The following USP20 variants were observed in gnomAD, a reference collection of about 807,000 sequenced individuals.
USP20 encodes the protein ubiquitin specific peptidase 20.
Under a neutral mutation model 124.2 loss-of-function variants are expected in USP20, and 80 were observed. That is an observed-to-expected ratio of 0.64 (90% CI 0.54 to 0.78). The LOEUF (loss-of-function observed/expected upper bound fraction) is 0.78, where lower values mean the gene tolerates loss of function less well. Among genes scored for constraint, USP20 ranks in the 30% least tolerant of loss-of-function variants. The pLI is 0.00. For missense variants in USP20, 1,043 were observed against 1,244.4 expected (o/e 0.84, Z 2.44); for synonymous variants, 481 against 512.3 (o/e 0.94, Z 0.83).
At chr9:129,873,591 G>C (rs1361589945) in intron 16 of USP20, 76 bp downstream of exon 16, 1 of 1,613,464 alleles carries the variant, frequency 6.2e-7, no homozygotes, top group Non-Finnish European at 8.5e-7. Flanking sequence ...TTCCTGCAGA[G>C]AGCCCCCTAT....
At position 129,880,636 on chromosome 9, in the gene USP20, G is replaced by A. The variant is rs1038048244; in HGVS notation, c.*186G>A. 4 of 205,772 alleles carry A rather than the reference G, an allele frequency of 1.9e-5. No homozygotes were observed. Among genetic ancestry groups the A allele is most frequent in the Non-Finnish European group, 3.0e-5 (3 of 99,002 alleles). The allele number at this position is 205,772 out of a possible 1,614,324, so 12.7% of individuals were successfully genotyped here. ...GTTGAAACGACCAAGACTCTGTGAC[G>A]TTAATTTGGGTCTTTGTCCTGGCAG... On this transcript the variant is annotated 3_prime_UTR_variant, in exon 26 of 26. Transcript: ENST00000372429.
rs1024261524 is a variant in USP20 at position 129,868,847 on chromosome 9, C to T, written c.1136-15C>T. On this transcript the variant is annotated splice_polypyrimidine_tract_variant and intron_variant, in intron 11 of 25. Coordinates refer to ENST00000372429, the MANE Select transcript of USP20 (RefSeq NM_001110303.4). ...TGGCTGCCCTGGCCCAGCATGGTAC[C>T]CTCTCTGCCCCCAGAGCCGGACAAT... The T allele has an allele frequency of 1.3e-6, 2 of 1,539,716 alleles. No individual in the cohort carries two copies. Among genetic ancestry groups the T allele is most frequent in the South Asian group, 1.2e-5 (1 of 81,304 alleles).
At chr9:129,859,902 C>T (rs1162548750) in intron 6 of USP20, among the ~76,000 whole-genome samples, 1 of 152,070 alleles carries the variant, frequency 6.6e-6, no homozygotes, top group Non-Finnish European at 1.5e-5. Context: ...CATGGTGGCG[C>T]ATGCTTGTAA....
chr9:129,860,355 T>TA (rs1351665061), intron 6 of USP20, among the ~76,000 whole-genome samples: 2 of 150,548 alleles, frequency 1.3e-5, no homozygotes, highest in Admixed American at 1.3e-4. Context: ...AACGTCTACA[T>TA]AAGATACATA....
chr9:129,851,821 T>A (rs544491097), intron 2 of USP20, among the ~76,000 whole-genome samples: 1 of 149,544 alleles, frequency 6.7e-6, no homozygotes, highest in African/African-American at 2.5e-5. Flanking sequence ...TTTTTTTCCA[T>A]CTCTTGAAAC....
rs1162693740 is a variant in USP20 at position 129,842,615 on chromosome 9, A to C, written c.-129+7116A>C. ...TGGAAGTTTTTTTTTTTTTTTTTAG[A>C]CGGAGTCTTACTCTGTTGCCCAGGC... On this transcript the variant is annotated intron_variant, in intron 1 of 25. Coordinates refer to ENST00000372429, the MANE Select transcript of USP20 (RefSeq NM_001110303.4). Among the ~76,000 whole-genome samples, 5 of 147,114 alleles carry C rather than the reference A, an allele frequency of 3.4e-5. No homozygotes were observed. The East Asian group carries it at 9.9e-4, about 29-fold the overall frequency.
At chr9:129,865,237 T>A in intron 9 of USP20, 66 bp from the exon 10 acceptor site, 4 of 1,564,516 alleles carry the variant, frequency 2.6e-6, no homozygotes, top group Non-Finnish European at 3.5e-6. Context: ...GCTGGCTGCC[T>A]GCTTCTCTCG....
At chr9:129,852,332 G>A (rs2032966633) in intron 2 of USP20, among the ~76,000 whole-genome samples, 5 of 152,174 alleles carry the variant, frequency 3.3e-5, no homozygotes, top group Admixed American at 6.5e-5. Context: ...CATTGTCTCC[G>A]TGACCTAGGA....
chr9:129,837,137 G>A (rs2031904110), intron 1 of USP20, among the ~76,000 whole-genome samples: 1 of 152,206 alleles, frequency 6.6e-6, no homozygotes, highest in Non-Finnish European at 1.5e-5. Flanking sequence ...CAAAAGGAAT[G>A]CTGAAAAAGT....
intron 21 of USP20, 86 bp downstream of exon 21, chr9:129,875,727 A>C: frequency 7.4e-7 from 1 of 1,357,002 alleles, no homozygotes; most frequent in Non-Finnish European, 1.0e-6. Context: ...AAGGAATGCC[A>C]CCAGGACCCC....
At chr9:129,865,196 G>A (rs1230931494) in intron 9 of USP20, 107 bp from the exon 10 acceptor site, 2 of 1,217,042 alleles carry the variant, frequency 1.6e-6, no homozygotes, top group African/African-American at 3.0e-5. Context: ...CCAAATGTCA[G>A]GAAACGCCAC....
At chr9:129,836,860 A>G (rs74589588) in intron 1 of USP20, among the ~76,000 whole-genome samples, 6,324 of 149,470 alleles carry the variant, frequency 0.042, 453 homozygotes, top group African/African-American at 0.14. Flanking sequence ...CTCCTTGGGA[A>G]TTGCTGCAGG....
At chr9:129,871,442 G>C (rs978853242) in intron 15 of USP20, among the ~76,000 whole-genome samples, 1 of 152,176 alleles carries the variant, frequency 6.6e-6, no homozygotes, top group Non-Finnish European at 1.5e-5. Context: ...GGACACTCAG[G>C]CCGCTTCCCT....
In USP20 at chr9:129,881,199, C is replaced by CGGAT. The variant is rs2034625066; in HGVS notation, c.*751_*754dup. 6.6e-6 allele frequency: 1 copy of CGGAT among 152,254 alleles called. No individual in the cohort carries two copies. The highest frequency in any genetic ancestry group is 6.5e-5 in the Admixed American group (1 of 15,280). 9.4% of individuals were successfully genotyped at this position (152,254 alleles called of 1,614,324 possible). ...ATTTGCTGAGCCCCCACCAGGGAAC[C>CGGAT]GGATGATGAAACAGGGATACCTCAC... On this transcript the variant is annotated 3_prime_UTR_variant, in exon 26 of 26. Transcript: ENST00000372429.
chr9:129,870,689 A>G (rs1588281359), intron 15 of USP20, 142 bp downstream of exon 15: 1 of 938,090 alleles, frequency 1.1e-6, no homozygotes, highest in South Asian at 1.7e-5. Context: ...TGATCCCATC[A>G]GATACCCACG....
intron 22 of USP20, among the ~76,000 whole-genome samples, chr9:129,876,899 A>G (rs1395323806): frequency 6.6e-6 from 1 of 152,106 alleles, no homozygotes; most frequent in Non-Finnish European, 1.5e-5. Context: ...GCCTCTACCC[A>G]CTAGTGCTAG....
intron 1 of USP20, among the ~76,000 whole-genome samples, chr9:129,849,401 A>C (rs62586267): frequency 0.15 from 22,661 of 152,138 alleles, 2,256 homozygotes; most frequent in African/African-American, 0.27. Context: ...TCCTGAAATT[A>C]GTTCCTCCCA....
At chr9:129,850,382 G>T (rs566334310) in intron 2 of USP20, among the ~76,000 whole-genome samples, 1 of 152,272 alleles carries the variant, frequency 6.6e-6, no homozygotes, top group South Asian at 2.1e-4. Flanking sequence ...AGACAAGAAG[G>T]AGCCTCTGTT....
intron 1 of USP20, among the ~76,000 whole-genome samples, chr9:129,837,488 C>G (rs1274474535): frequency 2.0e-5 from 3 of 152,162 alleles, no homozygotes; most frequent in African/African-American, 7.2e-5. Flanking sequence ...TAGTCGGCAT[C>G]CAATAAATGT....
Sources: gnomAD v4.1 joint callset for allele counts (sites outside exome capture counted in the v4.1 genomes callset) on GRCh38, gnomAD v4.1.1 for gene constraint, MANE v1.5 for transcripts, NCBI Gene and HGNC (gene_info 2026-07-23, HGNC 2026-07-21) for gene names.